Variants in PLOD1 observed in about 807,000 individuals in gnomAD.
The protein encoded by PLOD1 is procollagen-lysine,2-oxoglutarate 5-dioxygenase 1, also known as lysine hydroxylase.
In PLOD1, 70 loss-of-function variants were observed where a neutral mutation model predicts 94.7. The observed-to-expected ratio is 0.74, with a 90% CI of 0.61 to 0.90. PLOD1 has a LOEUF of 0.90. Among genes scored for constraint, PLOD1 ranks in the 40% least tolerant of loss-of-function variants. The pLI is 0.00. For synonymous variants in PLOD1, 417 were observed against 400.2 expected, an observed-to-expected ratio of 1.04 and a Z score of -0.50; for missense variants, 905 against 972.7, an observed-to-expected ratio of 0.93 and a Z score of 0.93.
At position 11,957,167 on chromosome 1, in the gene PLOD1, G is replaced by A. The variant is rs187911849; in HGVS notation, c.741+153G>A. The stretch of plus-strand genomic sequence containing the variant: ...CTCTGTCCTCACATCTGAGCTCAGC[G>A]TGATGCCTTCTTTTCCTGCTGTGGT... On this transcript the variant is annotated intron_variant, in intron 7 of 18. Transcript: ENST00000196061. The surrounding 1 kb of genome is among the most constrained non-coding windows in gnomAD (Gnocchi z 4.1). 23 of 768,524 alleles carry A rather than the reference G, an allele frequency of 3.0e-5. No homozygotes were observed. The highest frequency in any genetic ancestry group is 2.4e-4 in the Admixed American group (14 of 58,610). 47.6% of individuals were successfully genotyped at this position (768,524 alleles called of 1,614,324 possible).
At position 11,972,596 on chromosome 1, in the gene PLOD1, C is replaced by G. The variant is rs1242995420; in HGVS notation, c.1903-276C>G. 1 of 427,434 alleles carries G rather than the reference C, an allele frequency of 2.3e-6. No individual in the cohort carries two copies. The highest frequency in any genetic ancestry group is 2.0e-5 in the African/African-American group (1 of 49,848). 26.5% of individuals were successfully genotyped at this position (427,434 alleles called of 1,614,324 possible). A position where few individuals can be genotyped will look rare whatever the true frequency, so the allele number is the denominator to read the frequency against. On this transcript the variant is annotated intron_variant, in intron 17 of 18. Transcript: ENST00000196061. This position sits in a 1 kb window ranked among gnomAD's most constrained non-coding sequence, Gnocchi z 4.6. ...CTCTTCCCTTTCATTTCTTCTCTTC[C>G]CTTTTCCTCCCTTCCTCCCTCCCTC...
rs1384941493 is a variant in PLOD1 at position 11,957,627 on chromosome 1, C to T, written c.742-215C>T. 6.6e-6 allele frequency among the ~76,000 whole-genome samples: 1 copy of T among 152,220 alleles called. No homozygotes were observed. The highest frequency in any genetic ancestry group is 1.9e-4 in the East Asian group (1 of 5,180). ...GACCCAGGAATCTGCATTTTACAAG[C>T]TCTCGGGAGAAGCACTAGAGTGCCA... On this transcript the variant is annotated intron_variant, in intron 7 of 18. Coordinates refer to ENST00000196061, the MANE Select transcript of PLOD1 (RefSeq NM_000302.4). This position sits in a 1 kb window ranked among gnomAD's most constrained non-coding sequence, Gnocchi z 4.1.
rs139869965 is a variant in PLOD1, at chr1:11,964,743, G to A, written c.1428G>A (p.Lys476=). Residue 476 remains lysine, a synonymous_variant, in exon 13 of 19, where the codon AAG becomes AAA. Coordinates refer to ENST00000196061, the MANE Select transcript of PLOD1 (RefSeq NM_000302.4). The part of the protein sequence containing the change: ...LQSSDLFHHS[K]LDPDMAFCAN... ...CCTCAGATCTCTTCCACCACAGCAA[G>A]CTGGACCCCGACATGGCCTTCTGTG... 3.5e-4 allele frequency: 561 copies of A among 1,613,652 alleles called. 1 individual carries two copies. The highest frequency in any genetic ancestry group is 4.9e-4 in the Middle Eastern group (3 of 6,084).
At position 11,967,034 on chromosome 1, in the gene PLOD1, T is replaced by C; in HGVS notation, c.1698T>C (p.Cys566=). Residue 566 remains cysteine (C), a synonymous_variant, in exon 16 of 19, where the codon TGT becomes TGC. Coordinates refer to ENST00000196061, the MANE Select transcript of PLOD1 (RefSeq NM_000302.4). The part of the protein sequence containing the change: ...YWFPIFTEVA[C]DELVEEMEHF... ...TCCCCATCTTCACGGAGGTGGCCTG[T>C]GATGAGCTGGTGGAGGAGATGGAGC... 1.2e-6 allele frequency: 2 copies of C among 1,614,084 alleles called. No homozygotes were observed. The highest frequency in any genetic ancestry group is 1.7e-6 in the Non-Finnish European group (2 of 1,179,946).
At chr1:11,953,022 G>T (rs371888253) in intron 5 of PLOD1, among the ~76,000 whole-genome samples, 1 of 152,138 alleles carries the variant, frequency 6.6e-6, no homozygotes, top group East Asian at 1.9e-4. Context: ...AGGGGGTAGG[G>T]AGCTCACTGG....
chr1:11,974,179 C>G (rs1254518446), intron 18 of PLOD1, among the ~76,000 whole-genome samples: 2 of 151,606 alleles, frequency 1.3e-5, no homozygotes, highest in African/African-American at 4.8e-5. Context: ...AAGGACAGAG[C>G]TCTTGATCAC....
chr1:11,964,400 T>C, intron 12 of PLOD1, 100 bp downstream of exon 12: 1 of 1,298,512 alleles, frequency 7.7e-7, no homozygotes, highest in East Asian at 2.3e-5. Context: ...CTTGTTACCC[T>C]CAAATTCCTG....
Position 11,943,566 on chromosome 1 carries a change from C to T in PLOD1, c.77-4410C>T, listed in dbSNP as rs192818587. 1.1e-4 allele frequency among the ~76,000 whole-genome samples: 17 copies of T among 152,252 alleles called. No individual in the cohort carries two copies. The East Asian group carries it at 1.4e-3, about 12-fold the overall frequency. ...CCTGCCTCAGCCTCTCAAAGTGCTGCGATTACAGGCGTGAGTCACCACGCC... is the reference window on the plus strand; with the variant it reads ...CCTGCCTCAGCCTCTCAAAGTGCTGTGATTACAGGCGTGAGTCACCACGCC... On this transcript the variant is annotated intron_variant, in intron 1 of 18. Transcript: ENST00000196061.
chr1:11,957,954 GC>G lies in PLOD1; in HGVS notation c.843+14del. ...CTCAAGGGCATTGGGGTGAGGCTGC[GC>G]CCAGGCCTGTGCCTGAGGGACACGG... On this transcript the variant is annotated intron_variant, in intron 8 of 18. Transcript: ENST00000196061. The surrounding 1 kb of genome is among the most constrained non-coding windows in gnomAD (Gnocchi z 4.1). 6.4e-7 allele frequency: 1 copy of G among 1,572,734 alleles called. No homozygotes were observed. The highest frequency in any genetic ancestry group is 8.8e-7 in the Non-Finnish European group (1 of 1,142,458).
intron 1 of PLOD1, among the ~76,000 whole-genome samples, chr1:11,945,443 A>G (rs1645643934): frequency 6.6e-6 from 1 of 151,714 alleles, no homozygotes; most frequent in Non-Finnish European, 1.5e-5. Flanking sequence ...AAAACCCAAA[A>G]AACAAAAACA....
At chr1:11,938,593 G>T (rs1050911908) in intron 1 of PLOD1, among the ~76,000 whole-genome samples, 1 of 152,156 alleles carries the variant, frequency 6.6e-6, no homozygotes, top group East Asian at 1.9e-4. Flanking sequence ...GGGTACCCCA[G>T]CAGCCCCCAA....
chr1:11,952,844 TG>T, intron 5 of PLOD1, 109 bp downstream of exon 5: 1 of 748,788 alleles, frequency 1.3e-6, no homozygotes, highest in South Asian at 1.5e-5. Flanking sequence ...TCTTAGTCTA[TG>T]CAGGCTGCTC....
At chr1:11,965,137 T>C (rs1260943138) in intron 13 of PLOD1, among the ~76,000 whole-genome samples, 2 of 151,342 alleles carry the variant, frequency 1.3e-5, no homozygotes, top group Non-Finnish European at 2.9e-5. Context: ...CCCCACCCCA[T>C]ATATTTTTGT....
chr1:11,954,746 C>G (rs1458009070), intron 5 of PLOD1, 84 bp from the exon 6 acceptor site: 5 of 1,037,268 alleles, frequency 4.8e-6, no homozygotes, highest in Non-Finnish European at 7.6e-6. Context: ...AACTTGGGGA[C>G]AGATTCCCCA....
rs1569741636 is a variant in PLOD1, at chr1:11,972,588, T to C, written c.1903-284T>C. The C allele has an allele frequency of 2.4e-6, 1 of 413,986 alleles. No individual in the cohort carries two copies. Among genetic ancestry groups the C allele is most frequent in the South Asian group, 2.4e-5 (1 of 41,226 alleles). 25.6% of individuals were successfully genotyped at this position (413,986 alleles called of 1,614,324 possible). Reference sequence around the variant, plus strand: ...CATTTCTTCTCTTCCCTTTCATTTCTTCTCTTCCCTTTTCCTCCCTTCCTC... The same window carrying C: ...CATTTCTTCTCTTCCCTTTCATTTCCTCTCTTCCCTTTTCCTCCCTTCCTC... On this transcript the variant is annotated intron_variant, in intron 17 of 18. Transcript: ENST00000196061. The surrounding 1 kb of genome is among the most constrained non-coding windows in gnomAD (Gnocchi z 4.6).
intron 1 of PLOD1, among the ~76,000 whole-genome samples, chr1:11,941,114 T>C (rs1645612034): frequency 6.6e-6 from 1 of 152,234 alleles, no homozygotes; most frequent in African/African-American, 2.4e-5. Context: ...GATAAAAATA[T>C]CACCTTCCTC....
rs774004536 is a variant in PLOD1 at position 11,957,187 on chromosome 1, T to G, written c.741+173T>G. ...TCAGCGTGATGCCTTCTTTTCCTGC[T>G]GTGGTGGTCAGTGGTACTCTGTCTG... On this transcript the variant is annotated intron_variant, in intron 7 of 18. Coordinates refer to ENST00000196061, the MANE Select transcript of PLOD1 (RefSeq NM_000302.4). The surrounding 1 kb of genome is among the most constrained non-coding windows in gnomAD (Gnocchi z 4.1). 3 of 762,320 alleles carry G rather than the reference T, an allele frequency of 3.9e-6. No homozygotes were observed. The highest frequency in any genetic ancestry group is 2.5e-6 in the Non-Finnish European group (1 of 407,334). 47.2% of individuals were successfully genotyped at this position (762,320 alleles called of 1,614,324 possible).
Position 11,950,429 on chromosome 1 carries a change from C to A in PLOD1, c.375C>A (p.Val125=), listed in dbSNP as rs1645691417. The change falls in exon 4 of 19, where the codon GTC becomes GTA. Residue 125 remains valine (V), a synonymous_variant. Transcript: ENST00000196061. ...KKFRQARSQV[V]FSAEELIYPD... ...TCCGGCAGGCCAGGAGCCAGGTGGT[C>A]TTCTCTGCTGAGGAGCTCATCTACC... The A allele has an allele frequency of 6.2e-7, 1 of 1,614,036 alleles. No homozygotes were observed. Among genetic ancestry groups the A allele is most frequent in the African/African-American group, 1.3e-5 (1 of 74,936 alleles).
In PLOD1 at chr1:11,947,386, G is replaced by A. The variant is rs556548026; in HGVS notation, c.77-590G>A. Among the ~76,000 whole-genome samples, 7 of 152,084 alleles carry A rather than the reference G, an allele frequency of 4.6e-5. No individual in the cohort carries two copies. In the South Asian group the frequency reaches 1.0e-3, roughly 23 times the overall value. ...GCTGTTCAAGACCAGCCTGGCCAAC[G>A]TGGCAAAGCCCCGTGTCTACTAAAA... is the stretch of plus-strand genomic sequence containing the variant. On this transcript the variant is annotated intron_variant, in intron 1 of 18. Transcript: ENST00000196061.
Sources: allele counts gnomAD v4.1 joint callset (sites outside exome capture counted in the v4.1 genomes callset), GRCh38; gene constraint gnomAD v4.1.1; non-coding constraint Gnocchi (gnomAD v3.1); transcripts MANE v1.5; gene names NCBI Gene and HGNC (gene_info 2026-07-23, HGNC 2026-07-21).